Variants in SIRT5 observed in about 807,000 individuals in gnomAD.
The protein encoded by SIRT5 is NAD-dependent protein deacylase sirtuin-5, mitochondrial.
In SIRT5, 26 loss-of-function variants were observed where a neutral mutation model predicts 40.0. The ratio of observed to expected loss-of-function variants is 0.65; its 90% CI spans 0.48 to 0.90. The LOEUF is 0.90. Among genes scored for constraint, SIRT5 ranks in the 40% least tolerant of loss-of-function variants. SIRT5 has a pLI of 0.00. For missense variants in SIRT5, 401 were observed against 402.4 expected (o/e 1.00, Z 0.03); for synonymous variants, 146 against 149.1 (o/e 0.98, Z 0.15).
chr6:13,591,952 T>C, intron 5 of SIRT5, 58 bp downstream of exon 5: 2 of 1,493,522 alleles, frequency 1.3e-6, no homozygotes, highest in South Asian at 2.4e-5. Flanking sequence ...TGTCCTGCTG[T>C]TTCAGCATCA....
At chr6:13,610,003 A>G (rs944628348) in intron 9 of SIRT5, among the ~76,000 whole-genome samples, 12 of 152,132 alleles carry the variant, frequency 7.9e-5, no homozygotes, top group South Asian at 2.1e-4. Context: ...TCCCTCTGTC[A>G]CCCAGGCTGG....
chr6:13,588,464 G>C lies in SIRT5; in HGVS notation c.249G>C (p.Gln83His). Residue 83 changes from glutamine to histidine, a missense_variant and splice_region_variant, in exon 4 of 10, where the codon CAG (glutamine) becomes CAC (histidine). By Grantham distance (24) the Gln-to-His change is conservative. Coordinates refer to ENST00000606117, the MANE Select transcript of SIRT5 (RefSeq NM_012241.5). ...GTTATTGGAGAAAATGGCAAGCCCA[G>C]GTTTGTAAAGTTTCCAGAACATTAA... ...AGGYWRKWQA[Q>H]DLATPLAFAH... 6.2e-7 allele frequency: 1 copy of C among 1,613,074 alleles called. No homozygotes were observed. The highest frequency in any genetic ancestry group is 8.5e-7 in the Non-Finnish European group (1 of 1,179,686).
At chr6:13,596,154 CA>C (rs1761548412) in intron 6 of SIRT5, among the ~76,000 whole-genome samples, 1 of 152,084 alleles carries the variant, frequency 6.6e-6, no homozygotes, top group Non-Finnish European at 1.5e-5. Context: ...GAAAATACAA[CA>C]AAATGTTAAT....
intron 7 of SIRT5, among the ~76,000 whole-genome samples, chr6:13,597,540 G>A (rs1251730215): frequency 6.6e-6 from 1 of 150,448 alleles, no homozygotes; most frequent in African/African-American, 2.4e-5. Context: ...TTTTTGTTGT[G>A]TTTATTTTAT....
At chr6:13,580,544 T>G (rs948201639) in intron 2 of SIRT5, among the ~76,000 whole-genome samples, 1 of 152,216 alleles carries the variant, frequency 6.6e-6, no homozygotes, top group African/African-American at 2.4e-5. Flanking sequence ...TCAAAAACTA[T>G]GTAGCCTTTT....
At chr6:13,590,351 C>T (rs1760692326) in intron 4 of SIRT5, among the ~76,000 whole-genome samples, 1 of 152,170 alleles carries the variant, frequency 6.6e-6, no homozygotes, top group African/African-American at 2.4e-5. Context: ...AGGTTTGTTT[C>T]TCCCAGAACC....
chr6:13,614,145 A>C lies in SIRT5; in HGVS notation c.*2280A>C, dbSNP rs1218163786. The C allele has an allele frequency of 1.3e-5, 2 of 152,274 alleles. No homozygotes were observed. Among genetic ancestry groups the C allele is most frequent in the African/African-American group, 4.8e-5 (2 of 41,474 alleles). The allele number at this position is 152,274 out of a possible 1,614,324, so 9.4% of individuals were successfully genotyped here. The stretch of plus-strand genomic sequence containing the variant: ...TTAGCATTTATTAAACATCTACCAG[A>C]TGATAGACATTAGAAATAAAATGAC... On this transcript the variant is annotated 3_prime_UTR_variant, in exon 10 of 10. Transcript: ENST00000606117.
At chr6:13,575,774 C>T (rs772694924) in intron 1 of SIRT5, among the ~76,000 whole-genome samples, 2 of 152,196 alleles carry the variant, frequency 1.3e-5, no homozygotes, top group Non-Finnish European at 2.9e-5. Context: ...CTAACTAAAA[C>T]TTTGTATCCT....
intron 7 of SIRT5, 69 bp from the exon 8 acceptor site, chr6:13,598,963 C>T (rs1289593977): frequency 1.3e-6 from 2 of 1,580,608 alleles, no homozygotes; most frequent in African/African-American, 2.7e-5. Context: ...TTGGGGCAGC[C>T]CCTGGCCTCC....
intron 9 of SIRT5, chr6:13,604,436 A>G (rs1762826971): frequency 1.7e-6 from 2 of 1,188,154 alleles, no homozygotes; most frequent in Non-Finnish European, 2.5e-6. Flanking sequence ...GACCTGAGCT[A>G]TGTCCCCAGT....
At position 13,598,779 on chromosome 6, in the gene SIRT5, C is replaced by A. The variant is rs529629409; in HGVS notation, c.618-253C>A. On this transcript the variant is annotated intron_variant, in intron 7 of 9. Transcript: ENST00000606117. ...AGGCAGAGGTTGCAGTGAGCGGAGACCATGGCATTGCACTTCCGCCTGGGC... is the reference window on the plus strand; with the variant it reads ...AGGCAGAGGTTGCAGTGAGCGGAGAACATGGCATTGCACTTCCGCCTGGGC... Among the ~76,000 whole-genome samples the A allele has an allele frequency of 2.7e-5, 4 of 148,572 alleles. No homozygotes were observed. The East Asian group carries it at 5.9e-4, about 22-fold the overall frequency.
At chr6:13,583,706 A>G (rs2127621673) in intron 2 of SIRT5, among the ~76,000 whole-genome samples, 1 of 152,322 alleles carries the variant, frequency 6.6e-6, no homozygotes. Flanking sequence ...CTGGAAATAG[A>G]TGATGGGGTC....
rs150816932 is a variant in SIRT5 at position 13,599,075 on chromosome 6, G to A, written c.661G>A (p.Val221Met). ...GCGGLLRPHV[V>M]WFGENLDPAI... The stretch of plus-strand genomic sequence containing the variant: ...CGGGGGCTTGCTGCGACCTCACGTC[G>A]TGTGGTTTGGAGAAAACCTGGATCC... The change falls in exon 8 of 10, where the codon GTG becomes ATG. Residue 221 changes from valine to methionine, a missense_variant. Physicochemically the swap from Val to Met is conservative, Grantham distance 21. Transcript: ENST00000606117. The A allele has an allele frequency of 1.9e-5, 30 of 1,613,964 alleles. No individual in the cohort carries two copies. The highest frequency in any genetic ancestry group is 4.5e-5 in the East Asian group (2 of 44,878).
chr6:13,595,298 C>T (rs993430099), intron 5 of SIRT5, among the ~76,000 whole-genome samples, 179 bp from the exon 6 acceptor site: 1 of 152,132 alleles, frequency 6.6e-6, no homozygotes, highest in Non-Finnish European at 1.5e-5. Context: ...CGCTTGAGCC[C>T]ATGAGTTGGA....
chr6:13,584,803 C>G (rs1173886869), intron 3 of SIRT5, among the ~76,000 whole-genome samples: 2 of 152,182 alleles, frequency 1.3e-5, no homozygotes, highest in Admixed American at 1.3e-4. Flanking sequence ...TATCTCTCTG[C>G]AGGGGAGGAA....
At chr6:13,611,032 CCT>C (rs1402832978) in intron 9 of SIRT5, among the ~76,000 whole-genome samples, 2 of 151,338 alleles carry the variant, frequency 1.3e-5, no homozygotes, top group African/African-American at 4.9e-5. Context: ...TTTTCTCCTT[CCT>C]CTTTCTCTTT....
intron 6 of SIRT5, among the ~76,000 whole-genome samples, chr6:13,596,008 A>G (rs1195277527): frequency 6.6e-6 from 1 of 152,104 alleles, no homozygotes; most frequent in African/African-American, 2.4e-5. Context: ...CAAACAAACA[A>G]ACAAAAAAAC....
chr6:13,611,718 G>A, intron 9 of SIRT5, 72 bp from the exon 10 acceptor site: 2 of 1,063,562 alleles, frequency 1.9e-6, no homozygotes, highest in South Asian at 1.3e-5. Flanking sequence ...AGAAATAAGT[G>A]CTTGCTGAAG....
chr6:13,610,270 C>T (rs944365841), intron 9 of SIRT5, among the ~76,000 whole-genome samples: 3 of 152,154 alleles, frequency 2.0e-5, no homozygotes, highest in African/African-American at 7.2e-5. Flanking sequence ...TATGCCCAGC[C>T]ATGAAAGAAA....
Sources: allele counts gnomAD v4.1 joint callset (sites outside exome capture counted in the v4.1 genomes callset), GRCh38; gene constraint gnomAD v4.1.1; transcripts MANE v1.5; gene names NCBI Gene and HGNC (gene_info 2026-07-23, HGNC 2026-07-21).